The following SUPT3H variants were observed in gnomAD, a reference collection of about 807,000 sequenced individuals.
The protein encoded by SUPT3H is SPT3 homolog, SAGA and STAGA complex component.
In SUPT3H, 44 loss-of-function variants were observed where a neutral mutation model predicts 44.3. The observed-to-expected ratio is 0.99, with a 90% confidence interval of 0.78 to 1.28. The LOEUF (loss-of-function observed/expected upper bound fraction) is 1.28, where lower values mean the gene tolerates loss of function less well. Among genes scored for constraint, SUPT3H ranks in the 50% most tolerant of loss-of-function variants. SUPT3H has a pLI of 0.00. For synonymous variants in SUPT3H, 124 were observed against 125.6 expected, an observed-to-expected ratio of 0.99 and a Z score of 0.09; for missense variants, 380 against 387.1, an observed-to-expected ratio of 0.98 and a Z score of 0.15.
chr6:45,330,105 C>G (rs74765949), intron 2 of SUPT3H, among the ~76,000 whole-genome samples: 3,934 of 151,694 alleles, frequency 0.026, 186 homozygotes, highest in African/African-American at 0.089. Flanking sequence ...AGGAAATGTA[C>G]TTTGTATTTT....
chr6:45,331,705 G>C (rs556693444), intron 2 of SUPT3H, among the ~76,000 whole-genome samples: 1 of 151,896 alleles, frequency 6.6e-6, no homozygotes, highest in East Asian at 1.9e-4. Context: ...AGAAATTGTG[G>C]AAAAAGATCT....
chr6:44,906,194 G>A (rs1766039976), intron 10 of SUPT3H, among the ~76,000 whole-genome samples: 1 of 152,050 alleles, frequency 6.6e-6, no homozygotes, highest in African/African-American at 2.4e-5. Context: ...TAGTTATTTT[G>A]AAGAAATATA....
intron 3 of SUPT3H, chr6:45,098,794 G>T (rs1278676251): frequency 1.3e-5 from 7 of 523,918 alleles, no homozygotes; most frequent in Non-Finnish European, 2.3e-5. Flanking sequence ...ATTGATTACT[G>T]TTGTTCAGAG....
intron 11 of SUPT3H, chr6:44,809,508 G>A (rs2153401961): frequency 6.6e-6 from 1 of 152,208 alleles, no homozygotes. Flanking sequence ...ACTCCTACAG[G>A]GACAGAGAGA....
intron 2 of SUPT3H, among the ~76,000 whole-genome samples, chr6:45,175,960 C>A (rs1380883549): frequency 6.6e-6 from 1 of 152,166 alleles, no homozygotes; most frequent in African/African-American, 2.4e-5. Context: ...TTCTTCCTAG[C>A]AGATATCTCC....
rs371191508 is a variant in SUPT3H, at chr6:44,813,478, G to A, written c.*53-3977C>T. Among the ~76,000 whole-genome samples, 60 of 152,014 alleles carry A rather than the reference G, an allele frequency of 3.9e-4. 1 individual carries two copies. The East Asian group carries it at 8.2e-3, about 21-fold the overall frequency. The stretch of plus-strand genomic sequence containing the variant: ...GTGGTGAGATTACAGGGGTGAGCCA[G>A]TGTGCCCAGCCCAGAGCGTCTATAT... On this transcript the variant is annotated intron_variant and NMD_transcript_variant, in intron 11 of 11. Coordinates refer to the SUPT3H transcript ENST00000475057.
At chr6:44,882,001 T>G (rs908975536) in intron 10 of SUPT3H, among the ~76,000 whole-genome samples, 1 of 151,676 alleles carries the variant, frequency 6.6e-6, no homozygotes, top group African/African-American at 2.4e-5. Context: ...GCAAACACAT[T>G]CAAAAGCTAG....
chr6:45,096,003 T>C lies in SUPT3H; in HGVS notation c.186+9919A>G, dbSNP rs1013864517. Among the ~76,000 whole-genome samples, 108 of 152,134 alleles carry C rather than the reference T, an allele frequency of 7.1e-4. 1 individual carries two copies. Among genetic ancestry groups the C allele is most frequent in the Non-Finnish European group, 2.1e-4 (14 of 67,994 alleles). On this transcript the variant is annotated intron_variant, in intron 3 of 10. Coordinates refer to ENST00000371459, the MANE Select transcript of SUPT3H (RefSeq NM_003599.4). ...TATTAACGACAATAGCAACTATTAC[T>C]ACTGTTACTAGTAACCTAGAGAAGG...
chr6:44,949,864 G>GA (rs1038748625), intron 9 of SUPT3H, among the ~76,000 whole-genome samples: 13 of 152,070 alleles, frequency 8.5e-5, no homozygotes. Context: ...AACCTGTTTG[G>GA]AAAAAAAGTC....
chr6:45,108,816 A>C (rs1298944911), intron 2 of SUPT3H, among the ~76,000 whole-genome samples: 4 of 152,160 alleles, frequency 2.6e-5, no homozygotes, highest in African/African-American at 9.6e-5. Context: ...ATAATATTTA[A>C]GATTATAGTC....
chr6:45,225,626 C>T (rs1449694452), intron 2 of SUPT3H, among the ~76,000 whole-genome samples: 5 of 152,220 alleles, frequency 3.3e-5, no homozygotes, highest in East Asian at 3.9e-4. Flanking sequence ...AGATGGTATG[C>T]TAGTATGTTT....
rs139544298 is a variant in SUPT3H, at chr6:45,053,648, C to T, written c.187-33016G>A. Among the ~76,000 whole-genome samples, 1,113 of 150,320 alleles carry T rather than the reference C, an allele frequency of 7.4e-3. 21 individuals are homozygous for T. Among genetic ancestry groups the T allele is most frequent in the African/African-American group, 0.026 (1,052 of 40,812 alleles). On this transcript the variant is annotated intron_variant, in intron 3 of 10. Coordinates refer to ENST00000371459, the MANE Select transcript of SUPT3H (RefSeq NM_003599.4). ...GTGCAGTGGTTCATGCCTGTAATCC[C>T]AGCACTTTGGGAGGCCGAAGCAGGC...
chr6:45,264,345 T>C (rs1774902497), intron 2 of SUPT3H, among the ~76,000 whole-genome samples: 1 of 152,186 alleles, frequency 6.6e-6, no homozygotes, highest in East Asian at 1.9e-4. Flanking sequence ...GCCAGTCATT[T>C]TTCTTTCATT....
At chr6:44,847,388 T>C (rs980017272) in intron 10 of SUPT3H, among the ~76,000 whole-genome samples, 1 of 152,238 alleles carries the variant, frequency 6.6e-6, no homozygotes, top group African/African-American at 2.4e-5. Flanking sequence ...GCACTTACAC[T>C]TGTGTTTACG....
intron 10 of SUPT3H, among the ~76,000 whole-genome samples, chr6:44,900,965 A>T (rs1341395647): frequency 1.3e-5 from 2 of 152,212 alleles, no homozygotes; most frequent in African/African-American, 4.8e-5. Context: ...GAGGGTCCTG[A>T]CTGTTAGAAG....
At chr6:44,811,225 G>A (rs1766497957) in intron 11 of SUPT3H, among the ~76,000 whole-genome samples, 1 of 152,294 alleles carries the variant, frequency 6.6e-6, no homozygotes, top group South Asian at 2.1e-4. Context: ...CAGTTTTGAG[G>A]AGTGTGGTCA....
intron 10 of SUPT3H, 74 bp from the exon 11 acceptor site, chr6:44,829,931 G>A: frequency 7.3e-7 from 1 of 1,377,718 alleles, no homozygotes; most frequent in Non-Finnish European, 1.0e-6. Context: ...AAAGCAAGCA[G>A]AGCCCTCTTC....
At chr6:45,269,412 A>G (rs999631502) in intron 2 of SUPT3H, among the ~76,000 whole-genome samples, 1 of 152,216 alleles carries the variant, frequency 6.6e-6, no homozygotes, top group Non-Finnish European at 1.5e-5. Context: ...CTCAGACTAT[A>G]CCATTTTAAT....
At chr6:44,912,248 C>T (rs1251403048) in intron 10 of SUPT3H, among the ~76,000 whole-genome samples, 1 of 152,088 alleles carries the variant, frequency 6.6e-6, no homozygotes, top group Non-Finnish European at 1.5e-5. Context: ...CCTCCTCTTC[C>T]CCCACTGCTG....
Sources: gnomAD v4.1 joint callset for allele counts (sites outside exome capture counted in the v4.1 genomes callset) on GRCh38, gnomAD v4.1.1 for gene constraint, MANE v1.5 for transcripts, NCBI Gene and HGNC (gene_info 2026-07-23, HGNC 2026-07-21) for gene names.